The following PLEKHM1 variants were observed in gnomAD, a reference collection of about 807,000 sequenced individuals.
PLEKHM1 encodes the protein pleckstrin homology domain-containing family M member 1.
In PLEKHM1, 28 loss-of-function variants were observed where a neutral mutation model predicts 94.3. The ratio of observed to expected loss-of-function variants is 0.30; its 90% CI spans 0.22 to 0.41. The LOEUF (loss-of-function observed/expected upper bound fraction) is 0.41, where lower values mean the gene tolerates loss of function less well. Ranked by LOEUF, PLEKHM1 falls within the 10% of genes least tolerant of loss-of-function variation. PLEKHM1 has a pLI of 1.00. For missense variants in PLEKHM1, 907 were observed against 1,358.6 expected, an observed-to-expected ratio of 0.67 and a Z score of 5.22; for synonymous variants, 424 against 581.2, an observed-to-expected ratio of 0.73 and a Z score of 3.89.
At chr17:45,481,107 G>C (rs898083186) in intron 2 of PLEKHM1, among the ~76,000 whole-genome samples, 4 of 152,064 alleles carry the variant, frequency 2.6e-5, no homozygotes, top group African/African-American at 7.3e-5. Context: ...GCCATCCTAG[G>C]GGGTGTGAAG....
intron 2 of PLEKHM1, among the ~76,000 whole-genome samples, chr17:45,479,379 C>A (rs1024714404): frequency 4.6e-5 from 7 of 152,132 alleles, no homozygotes; most frequent in Admixed American, 3.9e-4. Context: ...AATAGCTGGG[C>A]GTGGTGGCAG....
intron 5 of PLEKHM1, chr17:45,464,017 A>G (rs2051238215): frequency 6.6e-6 from 1 of 152,194 alleles, no homozygotes; most frequent in Non-Finnish European, 1.5e-5. Flanking sequence ...TGTACTCATA[A>G]CTGTGGAAGG....
intron 3 of PLEKHM1, chr17:45,477,290 T>G (rs1029905086): frequency 6.1e-6 from 1 of 163,552 alleles, no homozygotes; most frequent in Non-Finnish European, 1.4e-5. Context: ...AAAAATTAGC[T>G]GGGCGTGATG....
chr17:45,468,566 C>G lies in PLEKHM1; in HGVS notation c.951G>C (p.Gln317His). 1 of 1,614,226 alleles carries G rather than the reference C, an allele frequency of 6.2e-7. No homozygotes were observed. Among genetic ancestry groups the G allele is most frequent in the Non-Finnish European group, 8.5e-7 (1 of 1,180,042 alleles). The change falls in exon 5 of 12, where the codon CAG (glutamine) becomes CAC (histidine). Residue 317 changes from glutamine (Q) to histidine (H), a missense_variant. Physicochemically the swap from Gln to His is conservative, Grantham distance 24. This residue lies in a region of PLEKHM1 where 477 missense variants were observed against 601.5 expected (regional missense o/e 0.79). Transcript: ENST00000430334. ...QEVLLEFSKA[Q>H]VNSVPTNGLS... ...GTCCGTTGGTTGGCACAGAGTTTAC[C>G]TGGGCTTTGCTGAATTCCAACAATA...
At chr17:45,478,240 G>C in intron 2 of PLEKHM1, 93 bp from the exon 3 acceptor site, 1 of 1,420,596 alleles carries the variant, frequency 7.0e-7, no homozygotes, top group East Asian at 2.3e-5. Flanking sequence ...AAATACGTGT[G>C]CAACCACATG....
At chr17:45,439,912 G>A in intron 10 of PLEKHM1, 1 of 636,990 alleles carries the variant, frequency 1.6e-6, no homozygotes, top group Non-Finnish European at 2.8e-6. Context: ...TTGGGGAAAG[G>A]AGTATTCCAA....
At chr17:45,465,755 C>T (rs780744010) in intron 5 of PLEKHM1, among the ~76,000 whole-genome samples, 3 of 151,934 alleles carry the variant, frequency 2.0e-5, no homozygotes, top group Middle Eastern at 3.4e-3. Flanking sequence ...GGAAGGAGTT[C>T]GCTTGGACTA....
In PLEKHM1 at chr17:45,445,319, G is replaced by A. The variant is rs2050569634; in HGVS notation, c.2837+151C>T. 3 of 700,630 alleles carry A rather than the reference G, an allele frequency of 4.3e-6. No homozygotes were observed. The highest frequency in any genetic ancestry group is 5.4e-5 in the East Asian group (2 of 36,864). 43.4% of individuals were successfully genotyped at this position (700,630 alleles called of 1,614,324 possible). A position where few individuals can be genotyped will look rare whatever the true frequency, so the allele number is the denominator to read the frequency against. ...TGTGCACATGTGCATGGGTGTGGAT[G>A]TCTATGCATTTGTGTATAAATTTAT... On this transcript the variant is annotated intron_variant, in intron 9 of 11. Coordinates refer to ENST00000430334, the MANE Select transcript of PLEKHM1 (RefSeq NM_014798.3). The surrounding 1 kb of genome is among the most constrained non-coding windows in gnomAD (Gnocchi z 4.2).
At chr17:45,463,549 T>G (rs904373662) in intron 5 of PLEKHM1, among the ~76,000 whole-genome samples, 29 of 152,238 alleles carry the variant, frequency 1.9e-4, no homozygotes, top group African/African-American at 6.5e-4. Context: ...CACGCCATCA[T>G]GCCCGGCTAA....
chr17:45,456,442 A>G (rs988134683), intron 6 of PLEKHM1: 10 of 152,260 alleles, frequency 6.6e-5, no homozygotes, highest in African/African-American at 2.4e-4. Context: ...GGGTGTGACA[A>G]CAACCAGGGT....
chr17:45,435,876 G>A (rs201261567), downstream of PLEKHM1: 725 of 442,606 alleles, frequency 1.6e-3, 9 homozygotes, highest in African/African-American at 0.014. Flanking sequence ...CCGTGGCAGT[G>A]TTAGAATTCA....
rs561983822 is a variant in PLEKHM1 at position 45,478,837 on chromosome 17, A to G, written c.49-690T>C. Reference sequence around the variant, plus strand: ...CATAGCAAGACCTTGTCTCAAAAAAAGAAAGATCCTAGGCCTGGAAGCCAG... The same window carrying G: ...CATAGCAAGACCTTGTCTCAAAAAAGGAAAGATCCTAGGCCTGGAAGCCAG... On this transcript the variant is annotated intron_variant, in intron 2 of 11. Transcript: ENST00000430334. 4.4e-4 allele frequency among the ~76,000 whole-genome samples: 67 copies of G among 152,104 alleles called. No individual in the cohort carries two copies. In the South Asian group the frequency reaches 7.3e-3, roughly 17 times the overall value.
Position 45,450,749 on chromosome 17 carries a change from T to C in PLEKHM1, c.2512A>G (p.Ile838Val), listed in dbSNP as rs1347275222. Residue 838 changes from isoleucine to valine, a missense_variant, in exon 8 of 12, where the codon ATC (isoleucine) becomes GTC (valine). Coordinates refer to ENST00000430334, the MANE Select transcript of PLEKHM1 (RefSeq NM_014798.3). ...GCFCAGCSRQ[I>V]GFSFVRPKLC... ...TTGGGTCGTACAAAGGAGAAGCCGATCTGCCGGGAGCAGCCTGGGGAGATG... is the reference window on the plus strand; with the variant it reads ...TTGGGTCGTACAAAGGAGAAGCCGACCTGCCGGGAGCAGCCTGGGGAGATG... 4 of 1,566,508 alleles carry C rather than the reference T, an allele frequency of 2.6e-6. No individual in the cohort carries two copies. The Admixed American group carries it at 5.6e-5, about 22-fold the overall frequency.
chr17:45,484,040 G>C (rs1394842869), intron 1 of PLEKHM1, among the ~76,000 whole-genome samples: 2 of 152,224 alleles, frequency 1.3e-5, no homozygotes, highest in Non-Finnish European at 2.9e-5. Flanking sequence ...TTGGAGCTTA[G>C]ACACAACTGA....
At chr17:45,474,048 TTA>T (rs2051614767) in intron 4 of PLEKHM1, among the ~76,000 whole-genome samples, 1 of 149,322 alleles carries the variant, frequency 6.7e-6, no homozygotes, top group Admixed American at 6.8e-5. Context: ...ATTTTTTATT[TTA>T]TTTATTTATT....
chr17:45,487,895 A>G (rs1320731517), intron 1 of PLEKHM1: 1 of 440,306 alleles, frequency 2.3e-6, no homozygotes, highest in African/African-American at 2.0e-5. Flanking sequence ...GCTTTAAGCC[A>G]TCCAACTGCT....
rs189197035 is a variant in PLEKHM1 at position 45,475,757 on chromosome 17, A to C, written c.297-31T>G. ...AAGGGAGAACAGACGTGTTTCAAGA[A>C]ACTACCCCAAATCACAGAGATGTGC... On this transcript the variant is annotated intron_variant, in intron 3 of 11. Transcript: ENST00000430334. 24 of 1,566,460 alleles carry C rather than the reference A, an allele frequency of 1.5e-5. No homozygotes were observed. In the Middle Eastern group the frequency reaches 1.0e-3, roughly 65 times the overall value.
chr17:45,461,186 CA>C lies in PLEKHM1; in HGVS notation c.1309-2748del, dbSNP rs150148844. On this transcript the variant is annotated intron_variant, in intron 5 of 11. Transcript: ENST00000430334. ...GCAGGCATGAGCGACCGCGCCCAGC[CA>C]ATGTCTGTTGTTTTAAACCACCCTG... Among the ~76,000 whole-genome samples the C allele has an allele frequency of 5.8e-3, 884 of 152,314 alleles. 7 individuals are homozygous for C. The highest frequency in any genetic ancestry group is 0.01 in the Middle Eastern group (3 of 294).
intron 5 of PLEKHM1, among the ~76,000 whole-genome samples, chr17:45,466,275 T>C (rs1388007816): frequency 6.6e-6 from 1 of 152,190 alleles, no homozygotes; most frequent in Non-Finnish European, 1.5e-5. Flanking sequence ...AACCTAATTT[T>C]GAAAGATAAA....
Sources: allele counts gnomAD v4.1 joint callset (sites outside exome capture counted in the v4.1 genomes callset), GRCh38; gene constraint gnomAD v4.1.1; regional missense constraint gnomAD v4.1.1; non-coding constraint Gnocchi (gnomAD v3.1); transcripts MANE v1.5; gene names NCBI Gene and HGNC (gene_info 2026-07-23, HGNC 2026-07-21).